PLAGL1: variants seen among roughly 807,000 people sequenced by gnomAD.
PLAGL1 encodes the protein PLAG1 like zinc finger 1.
PLAGL1 carries 1 observed loss-of-function variant against 4.6 expected under a neutral mutation model. The ratio of observed to expected loss-of-function variants is 0.22; its 90% confidence interval spans 0.08 to 1.03. PLAGL1 has a LOEUF of 1.03. Among genes scored for constraint, PLAGL1 ranks in the 50% least tolerant of loss-of-function variants. The pLI is 0.58. For synonymous variants in PLAGL1, 240 were observed against 237.8 expected (o/e 1.01, Z -0.08); for missense variants, 464 against 570.4 (o/e 0.81, Z 1.90).
rs1317892180 is a variant in PLAGL1, at chr6:143,975,325, T to C, written c.-543-6347A>G. Among the ~76,000 whole-genome samples the C allele has an allele frequency of 6.6e-6, 1 of 152,204 alleles. No homozygotes were observed. The highest frequency in any genetic ancestry group is 1.5e-5 in the Non-Finnish European group (1 of 68,034). On this transcript the variant is annotated intron_variant, in intron 2 of 7. Coordinates refer to ENST00000674357, the MANE Select transcript of PLAGL1 (RefSeq NM_001317162.2). The surrounding 1 kb of genome is among the most constrained non-coding windows in gnomAD (Gnocchi z 5.8). Reference sequence around the variant, plus strand: ...TAAGAGTATGGACTCTGGAGTCAGATCTGTATTTAAATTTTAGTGTCACTT... The same window carrying C: ...TAAGAGTATGGACTCTGGAGTCAGACCTGTATTTAAATTTTAGTGTCACTT...
In PLAGL1 at chr6:144,020,356, C is replaced by T. The variant is rs192750715; in HGVS notation, c.-151+44112G>A. The stretch of plus-strand genomic sequence containing the variant: ...AGGCTGGAGTGCAATGGTGCAATCT[C>T]GGCTCACTGCAACCTCCGCCTCTCA... On this transcript the variant is annotated intron_variant, in intron 1 of 3. Coordinates refer to the PLAGL1 transcript ENST00000437412. Among the ~76,000 whole-genome samples, 10 of 152,236 alleles carry T rather than the reference C, an allele frequency of 6.6e-5. No individual in the cohort carries two copies. The East Asian group carries it at 1.5e-3, about 24-fold the overall frequency.
chr6:144,002,907 A>G (rs1343151292), intron 1 of PLAGL1, among the ~76,000 whole-genome samples: 1 of 148,714 alleles, frequency 6.7e-6, no homozygotes. Flanking sequence ...TTTAATGGAC[A>G]TTGACAAGCA....
At chr6:143,951,026 A>C (rs1246880235) in intron 6 of PLAGL1, among the ~76,000 whole-genome samples, 4 of 152,206 alleles carry the variant, frequency 2.6e-5, no homozygotes, top group Non-Finnish European at 5.9e-5. Flanking sequence ...ATTGAGCCTC[A>C]GGTGTTTACC....
chr6:144,064,067 C>T lies in PLAGL1; in HGVS notation c.-151+401G>A, dbSNP rs1799640262. Among the ~76,000 whole-genome samples the T allele has an allele frequency of 6.6e-6, 1 of 152,228 alleles. No homozygotes were observed. The highest frequency in any genetic ancestry group is 1.5e-5 in the Non-Finnish European group (1 of 68,032). Reference sequence around the variant, plus strand: ...GCCCCGCCCCCAGCCTCGGAGAGCACAGGACCCGGGAGGCGGCGACCTGCC... The same window carrying T: ...GCCCCGCCCCCAGCCTCGGAGAGCATAGGACCCGGGAGGCGGCGACCTGCC... On this transcript the variant is annotated intron_variant, in intron 1 of 3. Coordinates refer to the PLAGL1 transcript ENST00000437412. This position sits in a 1 kb window ranked among gnomAD's most constrained non-coding sequence, Gnocchi z 6.8.
chr6:143,974,480 G>C (rs146024082), intron 2 of PLAGL1, among the ~76,000 whole-genome samples: 141 of 151,964 alleles, frequency 9.3e-4, no homozygotes, highest in Middle Eastern at 6.8e-3. Context: ...TTTGTATAGA[G>C]AGCTGAACAG....
At chr6:144,014,796 T>G (rs1003184383) in intron 1 of PLAGL1, among the ~76,000 whole-genome samples, 1 of 152,092 alleles carries the variant, frequency 6.6e-6, no homozygotes, top group Non-Finnish European at 1.5e-5. Context: ...CCCAGGCTGG[T>G]CTCAAACTCC....
Position 143,942,063 on chromosome 6 carries a change from C to A in PLAGL1, c.753G>T (p.Gly251=), listed in dbSNP as rs1778735477. 3.1e-6 allele frequency: 5 copies of A among 1,611,868 alleles called. No individual in the cohort carries two copies. The highest frequency in any genetic ancestry group is 1.7e-5 in the Admixed American group (1 of 59,822). ...PFPLGASAQN[G]LASSLPAEVH... ...CCTCAGCTGGCAAGCTACTTGCAAG[C>A]CCGTTCTGGGCAGAAGCTCCTAAAG... is the stretch of plus-strand genomic sequence containing the variant. The change falls in exon 8 of 8, where the codon GGG becomes GGT. Residue 251 remains glycine, a synonymous_variant. Transcript: ENST00000674357. The surrounding 1 kb of genome is among the most constrained non-coding windows in gnomAD (Gnocchi z 7.6).
chr6:143,991,207 T>C (rs539350369), intron 1 of PLAGL1, among the ~76,000 whole-genome samples: 15 of 152,342 alleles, frequency 9.8e-5, no homozygotes, highest in Admixed American at 9.1e-4. Flanking sequence ...TATATCATAA[T>C]GGAACTTTAT....
rs2328541 is a variant in PLAGL1 at position 144,049,554 on chromosome 6, G to A, written c.-151+14914C>T. ...AAGCAAGCTTGGACCTTCTCACATG[G>A]AAGCAGGGGAAGAGTGAGGAGTGAA... On this transcript the variant is annotated intron_variant, in intron 1 of 3. Transcript: ENST00000437412. Among the ~76,000 whole-genome samples, 425 of 152,308 alleles carry A rather than the reference G, an allele frequency of 2.8e-3. 2 individuals are homozygous for A. Among genetic ancestry groups the A allele is most frequent in the Non-Finnish European group, 4.2e-3 (288 of 68,022 alleles).
At chr6:144,031,772 G>C (rs1298661438) in intron 1 of PLAGL1, among the ~76,000 whole-genome samples, 1 of 152,114 alleles carries the variant, frequency 6.6e-6, no homozygotes, top group African/African-American at 2.4e-5. Flanking sequence ...ACAGTTTGAC[G>C]TTGGGTAATG....
chr6:143,942,160 C>T lies in PLAGL1; in HGVS notation c.656G>A (p.Gly219Glu). ...GGTGTGGAAGGTGCTCAGAAGGTCT[C>T]CGGTCTGCAAGCTCTCTTTCATCAG... ...QELMKESLQT[G>E]DLLSTFHTIS... Residue 219 changes from glycine to glutamate, a missense_variant, in exon 8 of 8, where the codon GGA becomes GAA. Gly to Glu is a moderately conservative substitution (Grantham distance 98). Coordinates refer to ENST00000674357, the MANE Select transcript of PLAGL1 (RefSeq NM_001317162.2). This position sits in a 1 kb window ranked among gnomAD's most constrained non-coding sequence, Gnocchi z 7.6. 1 of 1,614,156 alleles carries T rather than the reference C, an allele frequency of 6.2e-7. No individual in the cohort carries two copies. Among genetic ancestry groups the T allele is most frequent in the Non-Finnish European group, 8.5e-7 (1 of 1,180,018 alleles).
chr6:144,017,192 C>T (rs1795622743), intron 1 of PLAGL1, among the ~76,000 whole-genome samples: 1 of 152,142 alleles, frequency 6.6e-6, no homozygotes, highest in Admixed American at 6.5e-5. Context: ...AACCTGTATA[C>T]ATATGTAGTT....
chr6:144,055,495 C>T lies in PLAGL1; in HGVS notation c.-151+8973G>A, dbSNP rs956258612. ...GTCCCCAAATCTAGCTTCTTGTTGC[C>T]CTGGGTGCCTCTATCGTAGGACCCC... On this transcript the variant is annotated intron_variant, in intron 1 of 3. Transcript: ENST00000437412. The surrounding 1 kb of genome is among the most constrained non-coding windows in gnomAD (Gnocchi z 5.0). 2.0e-5 allele frequency among the ~76,000 whole-genome samples: 3 copies of T among 152,082 alleles called. No individual in the cohort carries two copies. The highest frequency in any genetic ancestry group is 2.9e-5 in the Non-Finnish European group (2 of 68,030).
Position 143,984,730 on chromosome 6 carries a change from T to TAAAAA in PLAGL1, c.-544+404_-544+405insTTTTT, listed in dbSNP as rs1788659016. ...AAAGATGTATTTAAAATTGGTTTAG[T>TAAAAA]ATATTTCAATTCTCCTCCGTAAAAA... On this transcript the variant is annotated intron_variant, in intron 2 of 7. Transcript: ENST00000674357. The surrounding 1 kb of genome is among the most constrained non-coding windows in gnomAD (Gnocchi z 5.5). 2.0e-5 allele frequency among the ~76,000 whole-genome samples: 3 copies of TAAAAA among 152,172 alleles called. No individual in the cohort carries two copies. The highest frequency in any genetic ancestry group is 7.2e-5 in the African/African-American group (3 of 41,460).
intron 1 of PLAGL1, among the ~76,000 whole-genome samples, chr6:143,998,343 T>G (rs1373367531): frequency 6.6e-6 from 1 of 152,220 alleles, no homozygotes; most frequent in Non-Finnish European, 1.5e-5. Context: ...TATTTCTTCA[T>G]TTTTAGCACA....
rs1786340178 is a variant in PLAGL1 at position 143,975,579 on chromosome 6, A to C, written c.-543-6601T>G. Among the ~76,000 whole-genome samples the C allele has an allele frequency of 1.3e-5, 2 of 152,224 alleles. No homozygotes were observed. The highest frequency in any genetic ancestry group is 2.9e-5 in the Non-Finnish European group (2 of 68,020). ...TTGTTAAAAGGAAAAATTTCTTTTA[A>C]AGAAAAAGACATAAAATTTAACATT... On this transcript the variant is annotated intron_variant, in intron 2 of 7. Coordinates refer to ENST00000674357, the MANE Select transcript of PLAGL1 (RefSeq NM_001317162.2). This position sits in a 1 kb window ranked among gnomAD's most constrained non-coding sequence, Gnocchi z 5.8.
At chr6:143,987,296 G>A (rs906877100) in intron 1 of PLAGL1, among the ~76,000 whole-genome samples, 33 of 151,872 alleles carry the variant, frequency 2.2e-4, no homozygotes, top group African/African-American at 3.1e-4. Context: ...CCTTGATCTC[G>A]TGGGCTTAAT....
At position 143,945,663 on chromosome 6, in the gene PLAGL1, G is replaced by C. The variant is rs373103646; in HGVS notation, c.152+2322C>G. On this transcript the variant is annotated intron_variant, in intron 7 of 7. Coordinates refer to ENST00000674357, the MANE Select transcript of PLAGL1 (RefSeq NM_001317162.2). The surrounding 1 kb of genome is among the most constrained non-coding windows in gnomAD (Gnocchi z 4.2). ...GCTAATTTTTTGTATTTTTAGTAGA[G>C]ACGGGGTTTCACCATGGTGGCCAGG... 1.2e-3 allele frequency among the ~76,000 whole-genome samples: 182 copies of C among 152,316 alleles called. 9 individuals are homozygous for C. In the South Asian group the frequency reaches 0.036, roughly 30 times the overall value.
chr6:144,031,064 T>C (rs1796787206), intron 1 of PLAGL1, among the ~76,000 whole-genome samples: 1 of 152,218 alleles, frequency 6.6e-6, no homozygotes, highest in Non-Finnish European at 1.5e-5. Flanking sequence ...AATGAGGTGA[T>C]ATCGCATTGT....
Sources: gnomAD v4.1 joint callset for allele counts (sites outside exome capture counted in the v4.1 genomes callset) on GRCh38, gnomAD v4.1.1 for gene constraint, Gnocchi (gnomAD v3.1) non-coding constraint, MANE v1.5 for transcripts, NCBI Gene and HGNC (gene_info 2026-07-23, HGNC 2026-07-21) for gene names.